The following IMMP2L variants were observed in gnomAD, a reference collection of about 807,000 sequenced individuals.
IMMP2L encodes the protein mitochondrial inner membrane protease subunit 2.
Under a neutral mutation model 19.3 loss-of-function variants are expected in IMMP2L, and 18 were observed. The ratio of observed to expected loss-of-function variants is 0.93; its 90% confidence interval spans 0.64 to 1.38. IMMP2L has a LOEUF of 1.38. Among genes scored for constraint, IMMP2L ranks in the 40% most tolerant of loss-of-function variants. IMMP2L has a pLI of 0.00. For synonymous variants in IMMP2L, 76 were observed against 73.0 expected (o/e 1.04, Z -0.21); for missense variants, 233 against 218.2 (o/e 1.07, Z -0.43).
intron 3 of IMMP2L, among the ~76,000 whole-genome samples, chr7:111,276,175 A>C (rs1819025005): frequency 6.6e-6 from 1 of 152,116 alleles, no homozygotes; most frequent in African/African-American, 2.4e-5. Flanking sequence ...AATTTTACTG[A>C]AGGAAATTTT....
chr7:111,451,936 A>C (rs1222552437), intron 3 of IMMP2L, among the ~76,000 whole-genome samples: 1 of 152,120 alleles, frequency 6.6e-6, no homozygotes, highest in Admixed American at 6.6e-5. Flanking sequence ...GGTCATAGGG[A>C]ATAAAAAATT....
chr7:110,673,770 A>T (rs1254969423), intron 5 of IMMP2L, among the ~76,000 whole-genome samples: 1 of 152,122 alleles, frequency 6.6e-6, no homozygotes, highest in African/African-American at 2.4e-5. Flanking sequence ...CCTAGATTTT[A>T]TTGTCCATAT....
chr7:110,765,854 C>T (rs1798623625), intron 5 of IMMP2L, among the ~76,000 whole-genome samples: 1 of 151,966 alleles, frequency 6.6e-6, no homozygotes, highest in Non-Finnish European at 1.5e-5. Flanking sequence ...TTAAAGTAGG[C>T]TAGTATTTCC....
At position 110,771,262 on chromosome 7, in the gene IMMP2L, G is replaced by A. The variant is rs193286165; in HGVS notation, c.409-107541C>T. On this transcript the variant is annotated intron_variant, in intron 5 of 5. Coordinates refer to ENST00000405709, the MANE Select transcript of IMMP2L (RefSeq NM_032549.4). Reference sequence around the variant, plus strand: ...CTCACTGAGGAGGATCAAGTCACACGTTAGTGTTGATGCTGTTAGTAAGGG... The same window carrying A: ...CTCACTGAGGAGGATCAAGTCACACATTAGTGTTGATGCTGTTAGTAAGGG... Among the ~76,000 whole-genome samples, 207 of 152,218 alleles carry A rather than the reference G, an allele frequency of 1.4e-3. 2 individuals are homozygous for A. The highest frequency in any genetic ancestry group is 4.5e-3 in the African/African-American group (188 of 41,550).
At chr7:110,941,365 T>C (rs1192972960) in intron 4 of IMMP2L, among the ~76,000 whole-genome samples, 3 of 152,180 alleles carry the variant, frequency 2.0e-5, no homozygotes, top group Admixed American at 1.3e-4. Context: ...GGGAAAACTA[T>C]AGATGGTCTC....
intron 5 of IMMP2L, among the ~76,000 whole-genome samples, chr7:110,762,247 T>C (rs12533283): frequency 0.15 from 22,619 of 152,154 alleles, 1,897 homozygotes; most frequent in South Asian, 0.33. Context: ...GTATCACTTT[T>C]TTTTTTTCCC....
chr7:110,779,491 G>C (rs1198836909), intron 5 of IMMP2L, among the ~76,000 whole-genome samples: 1 of 151,876 alleles, frequency 6.6e-6, no homozygotes, highest in Non-Finnish European at 1.5e-5. Flanking sequence ...GTCTGGCAGG[G>C]GGAGAAAGGC....
chr7:110,813,792 A>G (rs1400736434), intron 5 of IMMP2L, among the ~76,000 whole-genome samples: 1 of 151,072 alleles, frequency 6.6e-6, no homozygotes, highest in Non-Finnish European at 1.5e-5. Flanking sequence ...AGACTAATTT[A>G]ATATTTATTA....
chr7:111,304,436 T>C (rs1291583241), intron 3 of IMMP2L, among the ~76,000 whole-genome samples: 1 of 151,936 alleles, frequency 6.6e-6, no homozygotes, highest in Non-Finnish European at 1.5e-5. Flanking sequence ...ACCCTGAGAA[T>C]GAATTGAGAA....
At chr7:111,278,044 G>A (rs1240557334) in intron 3 of IMMP2L, among the ~76,000 whole-genome samples, 2 of 152,042 alleles carry the variant, frequency 1.3e-5, no homozygotes, top group Admixed American at 6.6e-5. Context: ...CATATGGACC[G>A]TGGAGTAAAA....
intron 3 of IMMP2L, among the ~76,000 whole-genome samples, chr7:111,427,333 T>C (rs1201649169): frequency 6.6e-6 from 1 of 151,718 alleles, no homozygotes; most frequent in Non-Finnish European, 1.5e-5. Flanking sequence ...TGCTTTGTTC[T>C]AATGACTGAA....
At chr7:111,117,199 A>G (rs1305484495) in intron 3 of IMMP2L, among the ~76,000 whole-genome samples, 1 of 152,146 alleles carries the variant, frequency 6.6e-6, no homozygotes, top group African/African-American at 2.4e-5. Flanking sequence ...AAAAACACAA[A>G]GGTTAAAATC....
intron 5 of IMMP2L, among the ~76,000 whole-genome samples, chr7:110,681,764 C>A (rs1792735986): frequency 6.6e-6 from 1 of 152,034 alleles, no homozygotes; most frequent in South Asian, 2.1e-4. Context: ...ATAAGCTTGA[C>A]CCATGCAATG....
intron 2 of IMMP2L, among the ~76,000 whole-genome samples, chr7:111,490,031 C>T (rs1563259120): frequency 1.3e-5 from 2 of 150,488 alleles, no homozygotes; most frequent in African/African-American, 2.4e-5. Context: ...CTCCTGATCT[C>T]GTGATCCGCC....
chr7:111,306,606 C>CTGTGTG (rs71147473), intron 3 of IMMP2L, among the ~76,000 whole-genome samples: 66 of 136,116 alleles, frequency 4.8e-4, no homozygotes, highest in Non-Finnish European at 6.2e-4. Flanking sequence ...TCACTGGACT[C>CTGTGTG]TGTGTGTGTG....
intron 3 of IMMP2L, among the ~76,000 whole-genome samples, chr7:111,381,668 T>C (rs1039692617): frequency 6.6e-6 from 1 of 151,662 alleles, no homozygotes; most frequent in East Asian, 1.9e-4. Context: ...ATATTAAGAA[T>C]GGAGAAGAAC....
intron 3 of IMMP2L, among the ~76,000 whole-genome samples, chr7:111,388,339 C>A (rs1831994267): frequency 6.6e-6 from 1 of 151,806 alleles, no homozygotes; most frequent in Non-Finnish European, 1.5e-5. Context: ...ATAATGGGAG[C>A]CAGGTTTTCT....
At chr7:110,942,869 T>C (rs1816868616) in intron 4 of IMMP2L, among the ~76,000 whole-genome samples, 1 of 151,986 alleles carries the variant, frequency 6.6e-6, no homozygotes, top group Non-Finnish European at 1.5e-5. Context: ...ACCCAAGTAA[T>C]ATGACAAATA....
chr7:110,940,845 T>TG (rs201234866), intron 4 of IMMP2L, among the ~76,000 whole-genome samples: 1 of 91,396 alleles, frequency 1.1e-5, no homozygotes, highest in East Asian at 2.2e-4. Context: ...CTAGTTGGCT[T>TG]GGGGAAAAAA....
Sources: gnomAD v4.1 joint callset for allele counts (sites outside exome capture counted in the v4.1 genomes callset) on GRCh38, gnomAD v4.1.1 for gene constraint, MANE v1.5 for transcripts, NCBI Gene and HGNC (gene_info 2026-07-23, HGNC 2026-07-21) for gene names.